GABRB2: variants seen among roughly 807,000 people sequenced by gnomAD.
GABRB2 encodes the protein gamma-aminobutyric acid receptor subunit beta-2.
GABRB2 carries 16 observed loss-of-function variants against 54.7 expected under a neutral mutation model. The ratio of observed to expected loss-of-function variants is 0.29; its 90% CI spans 0.20 to 0.44. GABRB2 has a LOEUF of 0.44. GABRB2 is among the 20% of genes least tolerant of loss of function. GABRB2 has a pLI of 1.00. For synonymous variants in GABRB2, 244 were observed against 233.8 expected (o/e 1.04, Z -0.40); for missense variants, 355 against 644.0 (o/e 0.55, Z 4.86).
At chr5:161,477,778 G>A (rs1758639798) in intron 3 of GABRB2, among the ~76,000 whole-genome samples, 1 of 151,908 alleles carries the variant, frequency 6.6e-6, no homozygotes, top group South Asian at 2.1e-4. Context: ...GAGACATAAA[G>A]TAGCATAGTG....
At chr5:161,330,771 A>G in intron 8 of GABRB2, 112 bp downstream of exon 8, 7 of 1,455,614 alleles carry the variant, frequency 4.8e-6, no homozygotes, top group Non-Finnish European at 6.5e-6. Flanking sequence ...AAAATTACCC[A>G]TTCTCTTCCC....
chr5:161,373,019 A>T (rs1755175708), intron 5 of GABRB2, among the ~76,000 whole-genome samples: 1 of 152,238 alleles, frequency 6.6e-6, no homozygotes, highest in African/African-American at 2.4e-5. Flanking sequence ...GTGAAGTGCT[A>T]TGAGTATCAA....
At chr5:161,437,205 G>A (rs1757337714) in intron 4 of GABRB2, among the ~76,000 whole-genome samples, 1 of 151,900 alleles carries the variant, frequency 6.6e-6, no homozygotes, top group Non-Finnish European at 1.5e-5. Context: ...CCCAATCCCA[G>A]GCTGCACAGC....
At chr5:161,481,578 T>C (rs1281456426) in intron 3 of GABRB2, among the ~76,000 whole-genome samples, 1 of 152,076 alleles carries the variant, frequency 6.6e-6, no homozygotes, top group Non-Finnish European at 1.5e-5. Flanking sequence ...GAATAATTTT[T>C]CTGCAAAGAG....
intron 5 of GABRB2, among the ~76,000 whole-genome samples, chr5:161,338,332 G>T (rs2113411022): frequency 6.6e-6 from 1 of 152,228 alleles, no homozygotes; most frequent in Admixed American, 6.5e-5. Flanking sequence ...TATAGTTAAT[G>T]ATTTTTAAAA....
chr5:161,465,022 C>T (rs970090012), intron 3 of GABRB2, among the ~76,000 whole-genome samples: 7 of 151,898 alleles, frequency 4.6e-5, no homozygotes, highest in East Asian at 1.9e-4. Context: ...TATACCAAAG[C>T]GAGTGCATTT....
chr5:161,304,918 G>A (rs977313899), intron 9 of GABRB2, among the ~76,000 whole-genome samples: 8 of 150,926 alleles, frequency 5.3e-5, no homozygotes, highest in African/African-American at 9.7e-5. Context: ...ATTCATTTTC[G>A]TTGTATGGGG....
intron 3 of GABRB2, among the ~76,000 whole-genome samples, chr5:161,484,156 C>T (rs1758848885): frequency 6.6e-6 from 1 of 151,892 alleles, no homozygotes. Context: ...TTCATTCCAT[C>T]AATTTGTTAA....
At chr5:161,355,962 A>G (rs1024612965) in intron 5 of GABRB2, among the ~76,000 whole-genome samples, 5 of 152,140 alleles carry the variant, frequency 3.3e-5, no homozygotes, top group Non-Finnish European at 7.4e-5. Flanking sequence ...TGACATACCA[A>G]CTTTAGTTCT....
At chr5:161,449,002 A>AAT (rs1757716302) in intron 4 of GABRB2, among the ~76,000 whole-genome samples, 1 of 152,172 alleles carries the variant, frequency 6.6e-6, no homozygotes, top group Non-Finnish European at 1.5e-5. Flanking sequence ...CCAGAGGGGA[A>AAT]TCTCTTTAGA....
intron 9 of GABRB2, among the ~76,000 whole-genome samples, chr5:161,309,134 T>C (rs957782740): frequency 6.6e-6 from 1 of 152,190 alleles, no homozygotes; most frequent in Non-Finnish European, 1.5e-5. Flanking sequence ...ATCCAGCATC[T>C]ATAAGAAACT....
At chr5:161,330,825 A>T in intron 8 of GABRB2, 58 bp downstream of exon 8, 2 of 1,610,362 alleles carry the variant, frequency 1.2e-6, no homozygotes, top group Non-Finnish European at 1.7e-6. Flanking sequence ...ATCAACCTGT[A>T]TTGCTAGCAT....
Position 161,293,654 on chromosome 5 carries a change from AT to A in GABRB2, c.*426del, listed in dbSNP as rs1175841267. On this transcript the variant is annotated 3_prime_UTR_variant, in exon 10 of 10. Transcript: ENST00000393959. ...TCTTCAAGTAATGTGTTTGCATGGC[AT>A]TACAGATAATGTTTCATAAGGACAA... The A allele has an allele frequency of 6.0e-6, 1 of 165,984 alleles. No individual in the cohort carries two copies. Among genetic ancestry groups the A allele is most frequent in the Non-Finnish European group, 1.3e-5 (1 of 76,032 alleles). The allele number at this position is 165,984 out of a possible 1,614,324, so 10.3% of individuals were successfully genotyped here.
intron 4 of GABRB2, among the ~76,000 whole-genome samples, chr5:161,443,709 C>T (rs1757529276): frequency 6.6e-6 from 1 of 152,196 alleles, no homozygotes; most frequent in African/African-American, 2.4e-5. Context: ...CATAGCTCTG[C>T]CCAGCCCCTG....
At chr5:161,404,113 A>T (rs758309565) in intron 5 of GABRB2, among the ~76,000 whole-genome samples, 1 of 152,164 alleles carries the variant, frequency 6.6e-6, no homozygotes, top group Admixed American at 6.6e-5. Flanking sequence ...GGTCAGAAAT[A>T]TCCACAGGAA....
intron 4 of GABRB2, among the ~76,000 whole-genome samples, chr5:161,433,924 A>T (rs1209113547): frequency 6.6e-6 from 1 of 152,164 alleles, no homozygotes; most frequent in Non-Finnish European, 1.5e-5. Context: ...AACTTCTTAG[A>T]AAATGTTATA....
At chr5:161,510,983 T>C (rs1759750499) in intron 3 of GABRB2, among the ~76,000 whole-genome samples, 1 of 152,010 alleles carries the variant, frequency 6.6e-6, no homozygotes, top group Non-Finnish European at 1.5e-5. Flanking sequence ...CACATTGTAG[T>C]AACAATCATA....
intron 4 of GABRB2, among the ~76,000 whole-genome samples, chr5:161,437,346 C>G (rs1757341456): frequency 1.3e-5 from 2 of 151,962 alleles, no homozygotes; most frequent in Non-Finnish European, 2.9e-5. Flanking sequence ...GTTATGAGGC[C>G]CCCATTTCAA....
At position 161,293,930 on chromosome 5, in the gene GABRB2, AT is replaced by A; in HGVS notation, c.*150del. The A allele has an allele frequency of 1.6e-6, 1 of 637,942 alleles. No homozygotes were observed. Among genetic ancestry groups the A allele is most frequent in the Non-Finnish European group, 2.7e-6 (1 of 369,060 alleles). The allele number at this position is 637,942 out of a possible 1,614,324, so 39.5% of individuals were successfully genotyped here. A position where few individuals can be genotyped will look rare whatever the true frequency, so the allele number is the denominator to read the frequency against. ...TCATTACTTAGCAGAAGCAACCCAA[AT>A]GGTATGAAATGGACCACAGGATAGG... On this transcript the variant is annotated 3_prime_UTR_variant, in exon 10 of 10. Coordinates refer to ENST00000393959, the MANE Select transcript of GABRB2 (RefSeq NM_001371727.1).
Sources: gnomAD v4.1 joint callset for allele counts (sites outside exome capture counted in the v4.1 genomes callset) on GRCh38, gnomAD v4.1.1 for gene constraint, MANE v1.5 for transcripts, NCBI Gene and HGNC (gene_info 2026-07-23, HGNC 2026-07-21) for gene names.